The following LOC128706666 variants were observed in gnomAD, a reference collection of about 807,000 sequenced individuals.
chr20:10,423,414 C>T, the LOC128706666 span, among the ~76,000 whole-genome samples: 6 of 151,540 alleles, frequency 4.0e-5, no homozygotes, highest in African/African-American at 9.7e-5. Flanking sequence ...GAAATGCGAT[C>T]GTTTCAAAAA....
At chr20:10,425,152 A>G in the LOC128706666 span, among the ~76,000 whole-genome samples, 1 of 152,188 alleles carries the variant, frequency 6.6e-6, no homozygotes, top group African/African-American at 2.4e-5. Context: ...AAATATAGAA[A>G]CAAGGAAAAG....
At chr20:10,418,172 A>G in the LOC128706666 span, among the ~76,000 whole-genome samples, 1 of 152,254 alleles carries the variant, frequency 6.6e-6, no homozygotes, top group African/African-American at 2.4e-5. Context: ...CAAAAGGACT[A>G]CATAGTGGAG....
At chr20:10,421,485 T>C in the LOC128706666 span, among the ~76,000 whole-genome samples, 1 of 151,328 alleles carries the variant, frequency 6.6e-6, no homozygotes, top group African/African-American at 2.4e-5. Flanking sequence ...AATCCACAAA[T>C]ATGCAGTAAG....
At chr20:10,424,417 A>T in the LOC128706666 span, among the ~76,000 whole-genome samples, 20,966 of 151,884 alleles carry the variant, frequency 0.14, 1,610 homozygotes, top group East Asian at 0.24. Flanking sequence ...ATATATTTTT[A>T]AAAAATGACA....
At chr20:10,431,260 G>A in the LOC128706666 span, among the ~76,000 whole-genome samples, 1 of 152,032 alleles carries the variant, frequency 6.6e-6, no homozygotes, top group Admixed American at 6.6e-5. Context: ...TATAAGGTGA[G>A]GAAATACTGT....
At chr20:10,416,102 A>C in the LOC128706666 span, among the ~76,000 whole-genome samples, 4 of 152,208 alleles carry the variant, frequency 2.6e-5, no homozygotes, top group Non-Finnish European at 5.9e-5. Context: ...AAGAGTTACC[A>C]TTAGACGAAT....
chr20:10,416,666 CTGAATAGT>C, the LOC128706666 span, among the ~76,000 whole-genome samples: 52 of 152,242 alleles, frequency 3.4e-4, no homozygotes, highest in African/African-American at 1.2e-3. Context: ...TTTGGGGTAA[CTGAATAGT>C]TGACGATGGA....
chr20:10,416,628 T>C, the LOC128706666 span, among the ~76,000 whole-genome samples: 1 of 152,228 alleles, frequency 6.6e-6, no homozygotes, highest in Non-Finnish European at 1.5e-5. Context: ...GATAAAACAT[T>C]AATCTTGCTT....
At chr20:10,430,194 A>G in the LOC128706666 span, among the ~76,000 whole-genome samples, 1 of 152,212 alleles carries the variant, frequency 6.6e-6, no homozygotes, top group South Asian at 2.1e-4. Context: ...TCAGAAAGTC[A>G]AGCACTTTAA....
At chr20:10,421,280 C>T in the LOC128706666 span, among the ~76,000 whole-genome samples, 11 of 139,386 alleles carry the variant, frequency 7.9e-5, no homozygotes, top group Non-Finnish European at 1.6e-4. Flanking sequence ...AAGTATTAGT[C>T]GGATATGGTG....
At chr20:10,419,462 AG>A in the LOC128706666 span, among the ~76,000 whole-genome samples, 1 of 152,232 alleles carries the variant, frequency 6.6e-6, no homozygotes, top group Non-Finnish European at 1.5e-5. Context: ...TTTCATATTA[AG>A]TGGAATAAAA....
chr20:10,429,872 C>T, the LOC128706666 span, among the ~76,000 whole-genome samples: 14 of 152,238 alleles, frequency 9.2e-5, no homozygotes, highest in Non-Finnish European at 7.4e-5. Context: ...TCAAGCTGCC[C>T]CTCCTGACCT....
At chr20:10,417,231 G>C in the LOC128706666 span, among the ~76,000 whole-genome samples, 1 of 132,978 alleles carries the variant, frequency 7.5e-6, no homozygotes, top group Non-Finnish European at 1.6e-5. Flanking sequence ...GGGTGACAGA[G>C]TGAGACTCCA....
chr20:10,422,134 ATGT>A, the LOC128706666 span, among the ~76,000 whole-genome samples: 1 of 152,312 alleles, frequency 6.6e-6, no homozygotes, highest in East Asian at 1.9e-4. Flanking sequence ...ATAATAAAAG[ATGT>A]TATCTTATAG....
the LOC128706666 span, among the ~76,000 whole-genome samples, chr20:10,417,585 G>T: frequency 6.6e-6 from 1 of 151,912 alleles, no homozygotes; most frequent in Non-Finnish European, 1.5e-5. Context: ...ACTGTAGCCT[G>T]GGTGACAAAT....
the LOC128706666 span, among the ~76,000 whole-genome samples, chr20:10,417,813 C>T: frequency 6.6e-6 from 1 of 151,824 alleles, no homozygotes; most frequent in Non-Finnish European, 1.5e-5. Context: ...ATGAAAGTAG[C>T]CTCTTGATAT....
the LOC128706666 span, among the ~76,000 whole-genome samples, chr20:10,430,214 G>C: frequency 6.6e-6 from 1 of 152,132 alleles, no homozygotes; most frequent in African/African-American, 2.4e-5. Flanking sequence ...AATCATTTTT[G>C]TAAGAATGCA....
At chr20:10,425,688 C>G in the LOC128706666 span, among the ~76,000 whole-genome samples, 1 of 152,168 alleles carries the variant, frequency 6.6e-6, no homozygotes, top group Non-Finnish European at 1.5e-5. Context: ...CAAGAATAAG[C>G]TCAAAATGAT....
chr20:10,422,892 T>G, the LOC128706666 span, among the ~76,000 whole-genome samples: 1 of 151,936 alleles, frequency 6.6e-6, no homozygotes, highest in African/African-American at 2.4e-5. Flanking sequence ...TTTGTATTTT[T>G]AGTAGAGACA....
Sources: allele counts gnomAD v4.1 joint callset (sites outside exome capture counted in the v4.1 genomes callset), GRCh38; gene constraint gnomAD v4.1.1; transcripts MANE v1.5.